CPXM2: variants seen among roughly 807,000 people sequenced by gnomAD.
CPXM2 encodes the protein carboxypeptidase X, M14 family member 2.
Under a neutral mutation model 86.1 loss-of-function variants are expected in CPXM2, and 66 were observed. The ratio of observed to expected loss-of-function variants is 0.77; its 90% CI spans 0.63 to 0.94. The LOEUF (loss-of-function observed/expected upper bound fraction) is 0.94. Ranked by LOEUF, CPXM2 falls within the 40% of genes least tolerant of loss-of-function variation. The pLI is 0.00. For synonymous variants in CPXM2, 388 were observed against 400.2 expected, an observed-to-expected ratio of 0.97 and a Z score of 0.36; for missense variants, 948 against 1,026.3, an observed-to-expected ratio of 0.92 and a Z score of 1.04.
intron 1 of CPXM2, among the ~76,000 whole-genome samples, chr10:123,888,227 A>C (rs1945211451): frequency 6.6e-6 from 1 of 152,246 alleles, no homozygotes. Context: ...ATCACTGCTG[A>C]ATACATCTTT....
At chr10:123,780,090 T>A (rs1846896974) in intron 7 of CPXM2, 77 bp downstream of exon 7, 8 of 910,566 alleles carry the variant, frequency 8.8e-6, no homozygotes, top group African/African-American at 5.0e-5. Context: ...GAAAAAAAAA[T>A]TTAAGTGCTT....
chr10:123,834,726 G>T (rs909879751), intron 4 of CPXM2, among the ~76,000 whole-genome samples: 1 of 152,214 alleles, frequency 6.6e-6, no homozygotes, highest in African/African-American at 2.4e-5. Flanking sequence ...ATCTGATCCC[G>T]TGTTGGAGGT....
intron 13 of CPXM2, 122 bp from the exon 14 acceptor site, chr10:123,747,139 C>T (rs775278145): frequency 1.9e-5 from 22 of 1,181,316 alleles, no homozygotes; most frequent in Middle Eastern, 2.3e-4. Flanking sequence ...ACGTGGAATC[C>T]GAGCTCCTGC....
At chr10:123,774,667 T>C (rs932531059) in intron 7 of CPXM2, among the ~76,000 whole-genome samples, 4 of 152,176 alleles carry the variant, frequency 2.6e-5, no homozygotes, top group Non-Finnish European at 5.9e-5. Context: ...CTCTTACTGC[T>C]CCAGGGGTTA....
Position 123,830,872 on chromosome 10 carries a change from CTGTGTGTGTGTGTGTG to C in CPXM2, c.653+11461_653+11476del, listed in dbSNP as rs34599295. The stretch of plus-strand genomic sequence containing the variant: ...CACTCATCTCTCTCTCTCTCTCTCT[CTGTGTGTGTGTGTGTG>C]TGTGTGTGTGTGTGTGTGTGTCTTT... On this transcript the variant is annotated intron_variant, in intron 4 of 13. Transcript: ENST00000241305. Among the ~76,000 whole-genome samples the C allele has an allele frequency of 7.0e-5, 10 of 142,798 alleles. No individual in the cohort carries two copies. In the East Asian group the frequency reaches 1.2e-3, roughly 17 times the overall value. 93.7% of individuals were successfully genotyped at this position (142,798 alleles called of 152,430 possible).
Position 123,865,071 on chromosome 10 carries a change from T to C in CPXM2, c.404-2348A>G, listed in dbSNP as rs1191015614. 6.6e-6 allele frequency among the ~76,000 whole-genome samples: 1 copy of C among 152,146 alleles called. No individual in the cohort carries two copies. Among genetic ancestry groups the C allele is most frequent in the Non-Finnish European group, 1.5e-5 (1 of 68,024 alleles). ...CCATTCTTGTCCACTCCTGTGATGG[T>C]GTCACGGCAAAGCCAGAAACTTCAC... On this transcript the variant is annotated intron_variant, in intron 2 of 13. Coordinates refer to ENST00000241305, the MANE Select transcript of CPXM2 (RefSeq NM_198148.3). The surrounding 1 kb of genome is among the most constrained non-coding windows in gnomAD (Gnocchi z 4.7).
At chr10:123,884,614 T>C (rs888212644) in intron 1 of CPXM2, among the ~76,000 whole-genome samples, 1 of 152,184 alleles carries the variant, frequency 6.6e-6, no homozygotes, top group Non-Finnish European at 1.5e-5. Context: ...GGGGAGGCTG[T>C]GGGCTGGACA....
At chr10:123,902,029 T>G (rs542320209) in intron 2 of CPXM2, among the ~76,000 whole-genome samples, 4 of 152,360 alleles carry the variant, frequency 2.6e-5, no homozygotes, top group African/African-American at 9.6e-5. Context: ...AAGTAACCAC[T>G]GTCGCAACCT....
chr10:123,809,696 C>T (rs1847651623), intron 4 of CPXM2, among the ~76,000 whole-genome samples: 1 of 142,126 alleles, frequency 7.0e-6, no homozygotes, highest in South Asian at 2.3e-4. Context: ...ACCTGAGACA[C>T]ATAGGTATCC....
upstream of CPXM2, among the ~76,000 whole-genome samples, chr10:123,892,791 T>C (rs1485238774): frequency 6.6e-6 from 1 of 152,212 alleles, no homozygotes; most frequent in Non-Finnish European, 1.5e-5. Context: ...GTAGTAGGAC[T>C]GACGTGCAGT....
rs1846231072 is a variant in CPXM2, at chr10:123,757,100, C to T, written c.1917+113G>A. On this transcript the variant is annotated intron_variant, in intron 12 of 13. Coordinates refer to ENST00000241305, the MANE Select transcript of CPXM2 (RefSeq NM_198148.3). The stretch of plus-strand genomic sequence containing the variant: ...TGGCTCCTCGCAGCACTGTGCTGGC[C>T]CAGGATGACGGCCAAGGTCTGAAGC... 4 of 991,876 alleles carry T rather than the reference C, an allele frequency of 4.0e-6. No homozygotes were observed. In the East Asian group the frequency reaches 9.6e-5, roughly 24 times the overall value. The allele number at this position is 991,876 out of a possible 1,614,324, so 61.4% of individuals were successfully genotyped here.
chr10:123,823,282 G>C (rs1202065265), intron 4 of CPXM2, among the ~76,000 whole-genome samples: 1 of 152,144 alleles, frequency 6.6e-6, no homozygotes, highest in Non-Finnish European at 1.5e-5. Flanking sequence ...CCATGTAGAG[G>C]CCTGGGAACC....
rs1013041432 is a variant in CPXM2 at position 123,891,263 on chromosome 10, C to T, written c.304+93G>A. ...AGGGAGATTCCCGGGACTGGCCCATCCCAGACACACACAATGGGAGAAGCC... is the reference window on the plus strand; with the variant it reads ...AGGGAGATTCCCGGGACTGGCCCATTCCAGACACACACAATGGGAGAAGCC... On this transcript the variant is annotated intron_variant, in intron 1 of 13. Coordinates refer to ENST00000241305, the MANE Select transcript of CPXM2 (RefSeq NM_198148.3). This position sits in a 1 kb window ranked among gnomAD's most constrained non-coding sequence, Gnocchi z 5.6. 29 of 1,109,124 alleles carry T rather than the reference C, an allele frequency of 2.6e-5. 1 individual carries two copies. The highest frequency in any genetic ancestry group is 2.5e-4 in the South Asian group (15 of 59,136). The allele number at this position is 1,109,124 out of a possible 1,614,324, so 68.7% of individuals were successfully genotyped here. A position where few individuals can be genotyped will look rare whatever the true frequency, so the allele number is the denominator to read the frequency against.
At chr10:123,849,922 T>C (rs1181497364) in intron 3 of CPXM2, among the ~76,000 whole-genome samples, 2 of 152,210 alleles carry the variant, frequency 1.3e-5, no homozygotes, top group East Asian at 3.8e-4. Context: ...AGAAGCTCCC[T>C]GTGCCCCTTC....
chr10:123,805,034 C>A (rs139759611), intron 4 of CPXM2, among the ~76,000 whole-genome samples: 1 of 152,176 alleles, frequency 6.6e-6, no homozygotes, highest in Non-Finnish European at 1.5e-5. Flanking sequence ...ACATACTTGT[C>A]ATCTCAGAGT....
At chr10:123,907,700 A>G (rs1311904462) in intron 2 of CPXM2, among the ~76,000 whole-genome samples, 6 of 151,290 alleles carry the variant, frequency 4.0e-5, no homozygotes, top group Non-Finnish European at 8.8e-5. Context: ...CCCTCCCACA[A>G]GTTCATTCAT....
rs1212861467 is a variant in CPXM2, at chr10:123,857,541, GCGA to G, written c.513+5070_513+5072del. 4.9e-4 allele frequency among the ~76,000 whole-genome samples: 71 copies of G among 143,890 alleles called. 2 individuals carry two copies. Among genetic ancestry groups the G allele is most frequent in the East Asian group, 1.1e-3 (5 of 4,354 alleles). The allele number at this position is 143,890 out of a possible 152,430, so 94.4% of individuals were successfully genotyped here. ...ACAAGCAGGGAGGCAGGTGATGCCAGCGATGGAAGGCGGCGTGGAGATGGAAGG... is the reference window on the plus strand; with the variant it reads ...ACAAGCAGGGAGGCAGGTGATGCCAGTGGAAGGCGGCGTGGAGATGGAAGG... On this transcript the variant is annotated intron_variant, in intron 3 of 13. Coordinates refer to ENST00000241305, the MANE Select transcript of CPXM2 (RefSeq NM_198148.3).
chr10:123,770,148 C>G lies in CPXM2; in HGVS notation c.1102+768G>C, dbSNP rs534871981. Among the ~76,000 whole-genome samples the G allele has an allele frequency of 5.9e-5, 9 of 152,192 alleles. No individual in the cohort carries two copies. The South Asian group carries it at 1.9e-3, about 32-fold the overall frequency. ...AATTAGCTGGGTATGGTGGCACATG[C>G]CTGTAATCCCAGCTACTCAGGAGGC... On this transcript the variant is annotated intron_variant, in intron 8 of 13. Coordinates refer to ENST00000241305, the MANE Select transcript of CPXM2 (RefSeq NM_198148.3).
chr10:123,848,658 T>C (rs948007174), intron 3 of CPXM2, among the ~76,000 whole-genome samples: 1 of 152,250 alleles, frequency 6.6e-6, no homozygotes, highest in African/African-American at 2.4e-5. Flanking sequence ...TAACATTGTA[T>C]ATCTATGGAA....
Sources: gnomAD v4.1 joint callset for allele counts (sites outside exome capture counted in the v4.1 genomes callset) on GRCh38, gnomAD v4.1.1 for gene constraint, Gnocchi (gnomAD v3.1) non-coding constraint, MANE v1.5 for transcripts, NCBI Gene and HGNC (gene_info 2026-07-23, HGNC 2026-07-21) for gene names.